Variants in DOK7 observed in about 807,000 individuals in gnomAD.
DOK7 encodes docking protein 7.
Under a neutral mutation model 30.7 loss-of-function variants are expected in DOK7, and 32 were observed. The ratio of observed to expected loss-of-function variants is 1.04; its 90% CI spans 0.79 to 1.40. The LOEUF is 1.40. DOK7 is among the 40% of genes most tolerant of loss of function. The probability of loss-of-function intolerance (pLI) is 0.00; values close to 1 mark genes in which losing one functional copy is unlikely to be tolerated. For missense variants in DOK7, 1,007 were observed against 699.2 expected (o/e 1.44, Z -4.97); for synonymous variants, 447 against 324.1 (o/e 1.38, Z -4.07).
At chr4:3,468,540 A>ATGAGTGTGTGTGAC (rs1560205458) in intron 2 of DOK7, among the ~76,000 whole-genome samples, 2 of 93,154 alleles carry the variant, frequency 2.1e-5, no homozygotes, top group African/African-American at 1.1e-4. Context: ...CTGTGAGTGT[A>ATGAGTGTGTGTGAC]TGTGTGTGTG....
downstream of DOK7, among the ~76,000 whole-genome samples, chr4:3,494,842 C>T (rs1303255974): frequency 6.6e-6 from 1 of 152,172 alleles, no homozygotes; most frequent in Non-Finnish European, 1.5e-5. Flanking sequence ...GGCCCCTGCC[C>T]TGCCTGTCTC....
chr4:3,495,345 C>A (rs1040986273), downstream of DOK7, among the ~76,000 whole-genome samples: 10 of 152,206 alleles, frequency 6.6e-5, no homozygotes, highest in African/African-American at 2.4e-4. Context: ...CCACGCTCAG[C>A]CCTCTGTGTT....
chr4:3,489,464 C>T lies in DOK7; in HGVS notation c.653-213C>T, dbSNP rs536547587. Among the ~76,000 whole-genome samples the T allele has an allele frequency of 2.5e-3, 385 of 152,172 alleles. 2 individuals carry two copies. The highest frequency in any genetic ancestry group is 0.01 in the Middle Eastern group (3 of 294). On this transcript the variant is annotated intron_variant, in intron 5 of 6. Coordinates refer to ENST00000340083, the MANE Select transcript of DOK7 (RefSeq NM_173660.5). ...CAGGGCCATCCACGGGCACAGGGACCCAGCTGGGCGCATGGTGGCCTGGAT... is the reference window on the plus strand; with the variant it reads ...CAGGGCCATCCACGGGCACAGGGACTCAGCTGGGCGCATGGTGGCCTGGAT...
At position 3,492,772 on chromosome 4, in the gene DOK7, C is replaced by T. The variant is rs936295024; in HGVS notation, c.786C>T (p.Ser262=). The change falls in exon 7 of 7, where the codon AGC becomes AGT. Residue 262 remains serine, a synonymous_variant. Coordinates refer to ENST00000340083, the MANE Select transcript of DOK7 (RefSeq NM_173660.5). ...GRPGSGGDDR[S]LSSSSSEASH... ...GCTCTGTCTCAGGGGATGACCGCAG[C>T]CTGTCCAGCTCATCCTCAGAGGCCA... 4 of 1,612,630 alleles carry T rather than the reference C, an allele frequency of 2.5e-6. No homozygotes were observed. Among genetic ancestry groups the T allele is most frequent in the African/African-American group, 1.3e-5 (1 of 74,912 alleles).
Position 3,489,596 on chromosome 4 carries a change from G to T in DOK7, c.653-81G>T. On this transcript the variant is annotated intron_variant, in intron 5 of 6. Transcript: ENST00000340083. Reference sequence around the variant, plus strand: ...CACTCCACAGAGGGGGATAACCACTGAGTCAGGCTGGGCCTGGTGCCTGCG... The same window carrying T: ...CACTCCACAGAGGGGGATAACCACTTAGTCAGGCTGGGCCTGGTGCCTGCG... The T allele has an allele frequency of 3.2e-6, 5 of 1,548,218 alleles. No individual in the cohort carries two copies. The South Asian group carries it at 3.6e-5, about 11-fold the overall frequency.
chr4:3,467,108 G>A lies in DOK7; in HGVS notation c.100+3557G>A, dbSNP rs534351780. Among the ~76,000 whole-genome samples, 4 of 152,250 alleles carry A rather than the reference G, an allele frequency of 2.6e-5. No individual in the cohort carries two copies. In the East Asian group the frequency reaches 7.8e-4, roughly 30 times the overall value. Reference sequence around the variant, plus strand: ...TACCACCTGCGTTGCTAAGGGCACAGCCTCAAGGTCACTGTGACCTCCAAA... The same window carrying A: ...TACCACCTGCGTTGCTAAGGGCACAACCTCAAGGTCACTGTGACCTCCAAA... On this transcript the variant is annotated intron_variant, in intron 2 of 6. Transcript: ENST00000340083.
At position 3,476,390 on chromosome 4, in the gene DOK7, G is replaced by T; in HGVS notation, c.380G>T (p.Gly127Val). Residue 127 changes from glycine (G) to valine (V), a missense_variant, in exon 4 of 7, where the codon GGC (glycine) becomes GTC (valine). Physicochemically the swap from Gly to Val is moderately radical, Grantham distance 109. Coordinates refer to ENST00000340083, the MANE Select transcript of DOK7 (RefSeq NM_173660.5). The part of the protein sequence containing the change: ...TVAPGTKLES[G>V]PATLHLCNDV... ...GCTCCAGGCACCAAGTTGGAGAGCG[G>T]CCCGGCTACCCTGCACCTCTGCAAT... 1.2e-6 allele frequency: 2 copies of T among 1,612,924 alleles called. No homozygotes were observed. The highest frequency in any genetic ancestry group is 8.5e-7 in the Non-Finnish European group (1 of 1,179,948).
intron 4 of DOK7, chr4:3,484,963 C>T (rs1727672432): frequency 2.4e-6 from 2 of 840,804 alleles, no homozygotes; most frequent in African/African-American, 1.8e-5. Context: ...TGGCACAGCT[C>T]CCTTCTCCTG....
At position 3,494,264 on chromosome 4, in the gene DOK7, G is replaced by A; in HGVS notation, c.*763G>A. ...GCAGGGCCAAAGGCTGGCTTGGCCT[G>A]TGTTTCCCCTGGCCCAGGCCTCAGC... On this transcript the variant is annotated 3_prime_UTR_variant, in exon 7 of 7. Coordinates refer to ENST00000340083, the MANE Select transcript of DOK7 (RefSeq NM_173660.5). 6.1e-6 allele frequency: 6 copies of A among 985,356 alleles called. No homozygotes were observed. Among genetic ancestry groups the A allele is most frequent in the Non-Finnish European group, 7.2e-6 (6 of 829,828 alleles). 61.0% of individuals were successfully genotyped at this position (985,356 alleles called of 1,614,324 possible).
rs1189644674 is a variant in DOK7 at position 3,493,905 on chromosome 4, TC to T, written c.*408del. On this transcript the variant is annotated 3_prime_UTR_variant, in exon 7 of 7. Coordinates refer to ENST00000340083, the MANE Select transcript of DOK7 (RefSeq NM_173660.5). ...CGCCCCCTTCGGGGGTGGCCGGTTC[TC>T]CCCATCACCTCTCTGGGGCAGTCAC... The T allele has an allele frequency of 1.5e-5, 16 of 1,057,358 alleles. No homozygotes were observed. Among genetic ancestry groups the T allele is most frequent in the Non-Finnish European group, 1.8e-5 (16 of 876,898 alleles). 65.5% of individuals were successfully genotyped at this position (1,057,358 alleles called of 1,614,324 possible). A position where few individuals can be genotyped will look rare whatever the true frequency, so the allele number is the denominator to read the frequency against.
chr4:3,490,947 ATTCCTTCTCCCCCTGCTCATTTC>A (rs1181309373), intron 6 of DOK7, among the ~76,000 whole-genome samples: 1 of 101,306 alleles, frequency 9.9e-6, no homozygotes, highest in African/African-American at 4.0e-5. Flanking sequence ...CTGCTCATTC[ATTCCTTCTCCCCCTGCTCATTTC>A]TTCATTTCCC....
chr4:3,493,237 C>A lies in DOK7; in HGVS notation c.1251C>A (p.Asp417Glu). The change falls in exon 7 of 7, where the codon GAC (aspartate) becomes GAA (glutamate). Residue 417 changes from aspartate (D) to glutamate (E), a missense_variant. Coordinates refer to ENST00000340083, the MANE Select transcript of DOK7 (RefSeq NM_173660.5). ...TPRSLCLAPR[D>E]HSPPSQGSPG... ...GCAGCCTTTGCCTGGCTCCTAGAGA[C>A]CACAGCCCCCCCTCACAGGGCAGCC... The A allele has an allele frequency of 6.2e-7, 1 of 1,612,078 alleles. No homozygotes were observed. The highest frequency in any genetic ancestry group is 8.5e-7 in the Non-Finnish European group (1 of 1,179,672).
Position 3,493,403 on chromosome 4 carries a change from G to A in DOK7, c.1417G>A (p.Glu473Lys), listed in dbSNP as rs1359635065. 3.1e-5 allele frequency: 49 copies of A among 1,596,228 alleles called. No individual in the cohort carries two copies. The highest frequency in any genetic ancestry group is 1.3e-4 in the South Asian group (12 of 89,228). The change falls in exon 7 of 7, where the codon GAG becomes AAG. Residue 473 changes from glutamate to lysine, a missense_variant. Coordinates refer to ENST00000340083, the MANE Select transcript of DOK7 (RefSeq NM_173660.5). ...EATLPGPAPG[E>K]PWEAGGPHAG... Reference sequence around the variant, plus strand: ...CACACTGCCTGGCCCTGCCCCTGGCGAGCCCTGGGAAGCAGGCGGCCCCCA... The same window carrying A: ...CACACTGCCTGGCCCTGCCCCTGGCAAGCCCTGGGAAGCAGGCGGCCCCCA...
intron 6 of DOK7, among the ~76,000 whole-genome samples, chr4:3,499,829 G>C (rs890814710): frequency 4.9e-4 from 75 of 152,216 alleles, no homozygotes; most frequent in African/African-American, 1.7e-3. Context: ...GGACAAAGCA[G>C]GGCTGTGCTG....
In DOK7 at chr4:3,494,205, T is replaced by G. The variant is rs1016033229; in HGVS notation, c.*704T>G. ...GAGGCGCCGTGCCTCGGGCCCCTGG[T>G]GGGAGCTCTGCTGGCTCCTGTCTGA... On this transcript the variant is annotated 3_prime_UTR_variant, in exon 7 of 7. Coordinates refer to ENST00000340083, the MANE Select transcript of DOK7 (RefSeq NM_173660.5). The G allele has an allele frequency of 1.3e-5, 13 of 985,542 alleles. No homozygotes were observed. Among genetic ancestry groups the G allele is most frequent in the African/African-American group, 3.5e-5 (2 of 57,372 alleles). The allele number at this position is 985,542 out of a possible 1,614,324, so 61.0% of individuals were successfully genotyped here.
rs1560235318 is a variant in DOK7 at position 3,493,642 on chromosome 4, G to C, written c.*141G>C. The C allele has an allele frequency of 5.4e-6, 8 of 1,468,548 alleles. No homozygotes were observed. The highest frequency in any genetic ancestry group is 7.2e-6 in the Non-Finnish European group (8 of 1,108,228). 91.0% of individuals were successfully genotyped at this position (1,468,548 alleles called of 1,614,324 possible). A position where few individuals can be genotyped will look rare whatever the true frequency, so the allele number is the denominator to read the frequency against. On this transcript the variant is annotated 3_prime_UTR_variant, in exon 7 of 7. Transcript: ENST00000340083. ...GGGTCTCCCGGAGAGGGGAGCTGGA[G>C]GGCGCGCCCTGTGGCTGCCACCGGA...
intron 2 of DOK7, among the ~76,000 whole-genome samples, chr4:3,465,634 G>A (rs372908449): frequency 6.6e-6 from 1 of 152,380 alleles, no homozygotes; most frequent in South Asian, 2.1e-4. Flanking sequence ...TTATGACAAG[G>A]TTTAGCGAAT....
chr4:3,500,724 A>G, exon 8 of DOK7: 2 of 1,535,756 alleles, frequency 1.3e-6, no homozygotes, highest in Non-Finnish European at 1.7e-6. Context: ...CCAGATCGAC[A>G]TCATGGCCAC....
intron 3 of DOK7, among the ~76,000 whole-genome samples, chr4:3,474,761 G>A (rs1377027608): frequency 6.6e-6 from 1 of 151,952 alleles, no homozygotes; most frequent in African/African-American, 2.4e-5. Flanking sequence ...GGCAGAGGTT[G>A]CAATGAGCTG....
Sources: allele counts gnomAD v4.1 joint callset (sites outside exome capture counted in the v4.1 genomes callset), GRCh38; gene constraint gnomAD v4.1.1; transcripts MANE v1.5; gene names NCBI Gene and HGNC (gene_info 2026-07-23, HGNC 2026-07-21).